Variants in SGPL1 observed in about 807,000 individuals in gnomAD.
SGPL1 encodes sphingosine-1-phosphate lyase 1.
A neutral mutation model predicts 68.9 loss-of-function variants in SGPL1; 37 were observed. That is an observed-to-expected ratio of 0.54 (90% CI 0.41 to 0.71). The LOEUF (loss-of-function observed/expected upper bound fraction) is 0.71, where lower values mean the gene tolerates loss of function less well. SGPL1 is among the 30% of genes least tolerant of loss of function. The probability of loss-of-function intolerance (pLI) is 0.00; values close to 1 mark genes in which losing one functional copy is unlikely to be tolerated. For missense variants in SGPL1, 551 were observed against 704.6 expected (o/e 0.78, Z 2.47); for synonymous variants, 236 against 248.5 (o/e 0.95, Z 0.47).
intron 2 of SGPL1, among the ~76,000 whole-genome samples, chr10:70,841,442 G>A (rs1386357513): frequency 6.6e-6 from 1 of 152,142 alleles, no homozygotes; most frequent in Non-Finnish European, 1.5e-5. Flanking sequence ...CAGCAGATAT[G>A]GTGCCTGATG....
intron 3 of SGPL1, among the ~76,000 whole-genome samples, chr10:70,845,793 G>C (rs10999565): frequency 6.6e-6 from 1 of 152,038 alleles, no homozygotes; most frequent in East Asian, 1.9e-4. Context: ...GTAGGGTATG[G>C]GAGTTAACTT....
At chr10:70,816,992 G>A (rs1051186358) in intron 2 of SGPL1, 112 bp downstream of exon 2, 4 of 1,050,674 alleles carry the variant, frequency 3.8e-6, no homozygotes, top group Non-Finnish European at 6.0e-6. Context: ...TGGTAGCTGA[G>A]CGTTTTGCCA....
intron 3 of SGPL1, 28 bp from the exon 4 acceptor site, chr10:70,851,115 G>A (rs1341839709): frequency 1.3e-6 from 2 of 1,585,794 alleles, no homozygotes; most frequent in Non-Finnish European, 1.7e-6. Context: ...AAATTTATTT[G>A]AATAAGAGAA....
At chr10:70,830,408 A>G (rs1845513699) in intron 2 of SGPL1, among the ~76,000 whole-genome samples, 1 of 152,214 alleles carries the variant, frequency 6.6e-6, no homozygotes, top group Non-Finnish European at 1.5e-5. Context: ...ACAATCATAC[A>G]GTAAATATGT....
chr10:70,866,930 T>C (rs1846201451), intron 7 of SGPL1, among the ~76,000 whole-genome samples: 2 of 152,370 alleles, frequency 1.3e-5, no homozygotes, highest in Non-Finnish European at 2.9e-5. Flanking sequence ...CAAAGTTCAG[T>C]GGTCACTTTC....
At chr10:70,862,838 A>G (rs1301638886) in intron 7 of SGPL1, among the ~76,000 whole-genome samples, 1 of 152,114 alleles carries the variant, frequency 6.6e-6, no homozygotes, top group Non-Finnish European at 1.5e-5. Flanking sequence ...GAGCTGTAAC[A>G]CTCACCGCGA....
chr10:70,828,768 G>A lies in SGPL1; in HGVS notation c.27+11888G>A, dbSNP rs575856025. On this transcript the variant is annotated intron_variant, in intron 2 of 14. Coordinates refer to ENST00000373202, the MANE Select transcript of SGPL1 (RefSeq NM_003901.4). ...AGTAACACTTTATACTCAATATTGG[G>A]GGACCATGTTTTTTGGAGGCTTTCA... Among the ~76,000 whole-genome samples the A allele has an allele frequency of 7.2e-5, 11 of 152,216 alleles. 1 individual carries two copies. The South Asian group carries it at 1.5e-3, about 20-fold the overall frequency.
intron 6 of SGPL1, 29 bp from the exon 7 acceptor site, chr10:70,859,342 A>G: frequency 7.2e-7 from 1 of 1,384,732 alleles, no homozygotes. Flanking sequence ...AATAGTTTTG[A>G]TTTCACATCT....
intron 13 of SGPL1, among the ~76,000 whole-genome samples, 171 bp from the exon 14 acceptor site, chr10:70,876,370 C>G (rs1846385543): frequency 6.6e-6 from 1 of 152,116 alleles, no homozygotes; most frequent in Non-Finnish European, 1.5e-5. Context: ...ATGCCTGACA[C>G]CCCAAGCATG....
rs368301588 is a variant in SGPL1, at chr10:70,877,315, G to A, written c.1687G>A (p.Gly563Ser). 5.6e-6 allele frequency: 9 copies of A among 1,614,042 alleles called. No individual in the cohort carries two copies. Among genetic ancestry groups the A allele is most frequent in the African/African-American group, 5.3e-5 (4 of 74,918 alleles). The change falls in exon 15 of 15, where the codon GGT becomes AGT. Residue 563 changes from glycine (G) to serine (S), a missense_variant. Transcript: ENST00000373202. ...TGTCACCCAGGGCAGCCAGATGAAT[G>A]GTTCTCCAAAACCCCACTGAACTTG... ...DTVTQGSQMN[G>S]SPKPH is the part of the protein sequence containing the mutation.
chr10:70,865,173 G>C (rs1045064694), intron 7 of SGPL1, among the ~76,000 whole-genome samples: 1 of 151,842 alleles, frequency 6.6e-6, no homozygotes, highest in African/African-American at 2.4e-5. Context: ...TTAGAAACTA[G>C]TGTTTTGCTT....
At chr10:70,842,586 A>G (rs1564622079) in intron 2 of SGPL1, among the ~76,000 whole-genome samples, 1 of 152,160 alleles carries the variant, frequency 6.6e-6, no homozygotes, top group African/African-American at 2.4e-5. Context: ...GGCACGTCAC[A>G]TGGCAAGAGT....
intron 7 of SGPL1, among the ~76,000 whole-genome samples, chr10:70,862,417 A>G (rs1156233076): frequency 6.6e-6 from 1 of 152,222 alleles, no homozygotes; most frequent in African/African-American, 2.4e-5. Flanking sequence ...AAAACAGACC[A>G]CTTGGCTCTA....
intron 2 of SGPL1, among the ~76,000 whole-genome samples, chr10:70,842,663 T>C (rs950819352): frequency 2.0e-5 from 3 of 152,138 alleles, no homozygotes; most frequent in African/African-American, 4.8e-5. Flanking sequence ...CTGAACTAAC[T>C]GAGCAAGAAC....
chr10:70,836,772 T>G (rs1046769974), intron 2 of SGPL1, among the ~76,000 whole-genome samples: 14 of 151,776 alleles, frequency 9.2e-5, no homozygotes. Context: ...TAAATTTTTT[T>G]GTAGGGATGG....
At chr10:70,829,403 G>A (rs1845494815) in intron 2 of SGPL1, among the ~76,000 whole-genome samples, 1 of 152,146 alleles carries the variant, frequency 6.6e-6, no homozygotes, top group Non-Finnish European at 1.5e-5. Context: ...GCTCCTTTGT[G>A]ACTGGGAAGG....
intron 11 of SGPL1, among the ~76,000 whole-genome samples, chr10:70,872,603 G>C (rs1256694295): frequency 2.6e-5 from 4 of 152,160 alleles, no homozygotes; most frequent in African/African-American, 9.7e-5. Context: ...TGTGTACCTT[G>C]TTTTGATTGC....
chr10:70,863,377 C>T (rs747207490), intron 7 of SGPL1, among the ~76,000 whole-genome samples: 33 of 148,028 alleles, frequency 2.2e-4, no homozygotes, highest in Non-Finnish European at 3.7e-4. Flanking sequence ...AAATATATTA[C>T]ACATAAATAT....
rs139473892 is a variant in SGPL1 at position 70,864,959 on chromosome 10, T to C, written c.616-3386T>C. Reference sequence around the variant, plus strand: ...TACCCTTTGAGCTCTGATTATTTAATTCACTGAAGTCTTCACTCTAAAGAG... The same window carrying C: ...TACCCTTTGAGCTCTGATTATTTAACTCACTGAAGTCTTCACTCTAAAGAG... On this transcript the variant is annotated intron_variant, in intron 7 of 14. Coordinates refer to ENST00000373202, the MANE Select transcript of SGPL1 (RefSeq NM_003901.4). 2.0e-5 allele frequency among the ~76,000 whole-genome samples: 3 copies of C among 152,358 alleles called. No individual in the cohort carries two copies. In the East Asian group the frequency reaches 5.8e-4, roughly 29 times the overall value.
Sources: gnomAD v4.1 joint callset for allele counts (sites outside exome capture counted in the v4.1 genomes callset) on GRCh38, gnomAD v4.1.1 for gene constraint, MANE v1.5 for transcripts, NCBI Gene and HGNC (gene_info 2026-07-23, HGNC 2026-07-21) for gene names.